Variants in NAAA observed in about 807,000 individuals in gnomAD.
NAAA encodes the protein N-acylethanolamine acid amidase, also known as N-acylethanolamine-hydrolyzing acid amidase.
A neutral mutation model predicts 44.8 loss-of-function variants in NAAA; 39 were observed. The ratio of observed to expected loss-of-function variants is 0.87; its 90% CI spans 0.67 to 1.14. The LOEUF (loss-of-function observed/expected upper bound fraction) is 1.14. NAAA is among the 50% of genes most tolerant of loss of function. The pLI is 0.00. For missense variants in NAAA, 460 were observed against 467.8 expected (o/e 0.98, Z 0.15); for synonymous variants, 178 against 191.3 (o/e 0.93, Z 0.58).
At chr4:75,926,223 G>T (rs897522955) in intron 4 of NAAA, among the ~76,000 whole-genome samples, 7 of 152,066 alleles carry the variant, frequency 4.6e-5, no homozygotes, top group African/African-American at 1.7e-4. Flanking sequence ...AGAAAAAAAT[G>T]GACAAATTGA....
Position 75,925,726 on chromosome 4 carries a change from T to C in NAAA, c.666+9A>G. 1 of 1,614,044 alleles carries C rather than the reference T, an allele frequency of 6.2e-7. No homozygotes were observed. The highest frequency in any genetic ancestry group is 1.6e-4 in the Middle Eastern group (1 of 6,062). On this transcript the variant is annotated intron_variant, in intron 5 of 10. Coordinates refer to ENST00000286733, the MANE Select transcript of NAAA (RefSeq NM_014435.4). ...GAGTTAAGGAGGGCTCCACATTAAA[T>C]ATACTCACAGCGCGGATCAGCCAGC... is the stretch of plus-strand genomic sequence containing the variant.
intron 10 of NAAA, 22 bp downstream of exon 10, chr4:75,914,845 TC>T: frequency 6.4e-7 from 1 of 1,573,610 alleles, no homozygotes. Flanking sequence ...TCACCCCCTC[TC>T]CACAAAACAG....
chr4:75,925,922 A>G, intron 4 of NAAA, 111 bp from the exon 5 acceptor site: 2 of 1,007,186 alleles, frequency 2.0e-6, no homozygotes, highest in East Asian at 5.1e-5. Flanking sequence ...CAAGTTTTGA[A>G]AGCAGAATCT....
intron 3 of NAAA, 94 bp downstream of exon 3, chr4:75,936,015 G>T: frequency 6.8e-7 from 1 of 1,476,844 alleles, no homozygotes. Context: ...GTCTTACACT[G>T]ATAACACACT....
Position 75,940,890 on chromosome 4 carries a change from C to T in NAAA, c.60G>A (p.Leu20=). 1 of 1,469,442 alleles carries T rather than the reference C, an allele frequency of 6.8e-7. No individual in the cohort carries two copies. The highest frequency in any genetic ancestry group is 1.3e-5 in the South Asian group (1 of 76,730). 91.0% of individuals were successfully genotyped at this position (1,469,442 alleles called of 1,614,324 possible). Residue 20 remains leucine, a synonymous_variant, in exon 1 of 11, where the codon CTG becomes CTA. Transcript: ENST00000286733. ...AGGCGGCTGACAGCCCGGCCCCGGC[C>T]AGCAGCAGCAGCAGCAGGGACGGAA... ...PGLPSLLLLL[L]AGAGLSAASP... is the part of the protein sequence containing the mutation.
Position 75,921,078 on chromosome 4 carries a change from C to G in NAAA, c.712G>C (p.Ala238Pro). The G allele has an allele frequency of 6.3e-7, 1 of 1,590,726 alleles. No individual in the cohort carries two copies. Among genetic ancestry groups the G allele is most frequent in the Non-Finnish European group, 8.5e-7 (1 of 1,173,452 alleles). Reference sequence around the variant, plus strand: ...ACATCAGCAATAAGGGGAGTCTTGGCCAACTTGCCAACAGCTGCTTCGAAG... The same window carrying G: ...ACATCAGCAATAAGGGGAGTCTTGGGCAACTTGCCAACAGCTGCTTCGAAG... ...ENFEAAVGKLAKTPLIADVYY... is the reference protein window; with the variant it reads ...ENFEAAVGKLPKTPLIADVYY... The change falls in exon 6 of 11, where the codon GCC (alanine) becomes CCC (proline). Residue 238 changes from alanine to proline, a missense_variant. Transcript: ENST00000286733.
At chr4:75,937,771 A>T (rs1681984365) in intron 2 of NAAA, among the ~76,000 whole-genome samples, 1 of 152,210 alleles carries the variant, frequency 6.6e-6, no homozygotes. Flanking sequence ...TGCAGGCGTG[A>T]GCCACTGTGG....
chr4:75,940,847 G>A lies in NAAA; in HGVS notation c.103C>T (p.Arg35Cys). The stretch of plus-strand genomic sequence containing the variant: ...ACCGAGTCCAGGCTCACGTTGAAGC[G>A]CGGCGCTGCTGGGGGCGAGGCGGCT... ...LSAASPPAAP[R>C]FNVSLDSVPE... Residue 35 changes from arginine (R) to cysteine (C), a missense_variant, in exon 1 of 11, where the codon CGC becomes TGC. Physicochemically the swap from Arg to Cys is radical, Grantham distance 180 (BLOSUM62 -3). Coordinates refer to ENST00000286733, the MANE Select transcript of NAAA (RefSeq NM_014435.4). 1.3e-6 allele frequency: 2 copies of A among 1,588,538 alleles called. No homozygotes were observed. Among genetic ancestry groups the A allele is most frequent in the Non-Finnish European group, 8.5e-7 (1 of 1,175,524 alleles).
At chr4:75,931,814 GA>G (rs1727254300) in intron 3 of NAAA, among the ~76,000 whole-genome samples, 1 of 152,158 alleles carries the variant, frequency 6.6e-6, no homozygotes, top group East Asian at 1.9e-4. Context: ...CAACACAACT[GA>G]TTTTTTTTGT....
At chr4:75,927,624 A>T (rs964004876) in intron 4 of NAAA, among the ~76,000 whole-genome samples, 17 of 106,512 alleles carry the variant, frequency 1.6e-4, no homozygotes, top group Non-Finnish European at 2.4e-4. Context: ...TTAAAAAAAA[A>T]TTTTTAATGC....
chr4:75,935,490 T>G (rs904910051), intron 3 of NAAA: 1 of 152,340 alleles, frequency 6.6e-6, no homozygotes, highest in African/African-American at 2.4e-5. Context: ...AAGATCTAAG[T>G]ATAATTTTTT....
At chr4:75,919,883 A>G in intron 8 of NAAA, 26 bp downstream of exon 8, 2 of 1,591,640 alleles carry the variant, frequency 1.3e-6, no homozygotes, top group South Asian at 2.2e-5. Flanking sequence ...CATCCTAGGT[A>G]TGCAGGACAC....
In NAAA at chr4:75,936,132, C is replaced by T; in HGVS notation, c.475G>A (p.Val159Met). The change falls in exon 3 of 11, where the codon GTG (valine) becomes ATG (methionine). Residue 159 changes from valine (V) to methionine (M), a missense_variant. Transcript: ENST00000286733. ...ACCTGCCCATTCTTTAAGAATTGCA[C>T]ATCCACTGTCAGCTTGCGTAAGACA... is the stretch of plus-strand genomic sequence containing the variant. ...GNVLRKLTVD[V>M]QFLKNGQIAF... 1 of 1,614,052 alleles carries T rather than the reference C, an allele frequency of 6.2e-7. No homozygotes were observed. The highest frequency in any genetic ancestry group is 8.5e-7 in the Non-Finnish European group (1 of 1,179,982).
At chr4:75,930,600 G>A in intron 4 of NAAA, 2 of 429,132 alleles carry the variant, frequency 4.7e-6, no homozygotes, top group East Asian at 6.0e-5. Flanking sequence ...ATGGTCTTCT[G>A]CTTCCATCTT....
chr4:75,920,986 T>G lies in NAAA; in HGVS notation c.804A>C (p.Pro268=). 6.2e-7 allele frequency: 1 copy of G among 1,613,200 alleles called. No individual in the cohort carries two copies. Among genetic ancestry groups the G allele is most frequent in the Non-Finnish European group, 8.5e-7 (1 of 1,179,832 alleles). Residue 268 remains proline (P), a synonymous_variant, in exon 6 of 11, where the codon CCA becomes CCC. Coordinates refer to ENST00000286733, the MANE Select transcript of NAAA (RefSeq NM_014435.4). ...AAGGATCTAGAGGCCAAATGTCTGC[T>G]GGGCCATCTCTGTTCCTCGTGATGA... is the stretch of plus-strand genomic sequence containing the variant. ...GVVITRNRDG[P]ADIWPLDPLN...
At chr4:75,933,989 C>A (rs1430891997) in intron 3 of NAAA, among the ~76,000 whole-genome samples, 1 of 151,442 alleles carries the variant, frequency 6.6e-6, no homozygotes, top group East Asian at 2.0e-4. Flanking sequence ...GAGATCGCGC[C>A]ACTGCACTCC....
chr4:75,933,216 A>T (rs1334977575), intron 3 of NAAA, among the ~76,000 whole-genome samples: 1 of 152,146 alleles, frequency 6.6e-6, no homozygotes, highest in Non-Finnish European at 1.5e-5. Flanking sequence ...TGTTTTAAGA[A>T]ATAGATAGTC....
chr4:75,939,414 A>ATTT (rs377331355), intron 2 of NAAA, among the ~76,000 whole-genome samples: 166 of 137,288 alleles, frequency 1.2e-3, no homozygotes, highest in Non-Finnish European at 1.7e-3. Context: ...TTTGAGCAGA[A>ATTT]TTTTTTTTTT....
chr4:75,940,684 G>A, intron 1 of NAAA, 60 bp downstream of exon 1: 10 of 1,527,820 alleles, frequency 6.5e-6, no homozygotes, highest in Admixed American at 1.9e-5. Context: ...AGCAGCGCGC[G>A]TTTGACTCCG....
Sources: gnomAD v4.1 joint callset for allele counts (sites outside exome capture counted in the v4.1 genomes callset) on GRCh38, gnomAD v4.1.1 for gene constraint, MANE v1.5 for transcripts, NCBI Gene and HGNC (gene_info 2026-07-23, HGNC 2026-07-21) for gene names.